PRORP: variants seen among roughly 807,000 people sequenced by gnomAD.
The protein encoded by PRORP is mitochondrial ribonuclease P catalytic subunit.
A neutral mutation model predicts 59.4 loss-of-function variants in PRORP; 51 were observed. The ratio of observed to expected loss-of-function variants is 0.86; its 90% confidence interval spans 0.69 to 1.08. The LOEUF (loss-of-function observed/expected upper bound fraction) is 1.08, where lower values mean the gene tolerates loss of function less well. PRORP is among the 50% of genes least tolerant of loss of function. PRORP has a pLI of 0.00. For missense variants in PRORP, 646 were observed against 690.3 expected (o/e 0.94, Z 0.72); for synonymous variants, 231 against 245.6 (o/e 0.94, Z 0.55).
chr14:35,211,518 G>C (rs1054029249), intron 5 of PRORP, among the ~76,000 whole-genome samples: 1 of 152,134 alleles, frequency 6.6e-6, no homozygotes. Flanking sequence ...ATACTGCAGA[G>C]ATATTGCAAG....
rs183088279 is a variant in PRORP at position 35,239,518 on chromosome 14, A to G, written c.1276-27209A>G. Among the ~76,000 whole-genome samples, 250 of 151,034 alleles carry G rather than the reference A, an allele frequency of 1.7e-3. 1 individual carries two copies. Among genetic ancestry groups the G allele is most frequent in the Admixed American group, 2.6e-3 (39 of 15,250 alleles). On this transcript the variant is annotated intron_variant, in intron 5 of 7. Transcript: ENST00000534898. ...CTTATAATTAAGAGTTTATTAGATC[A>G]GGCAACGAGCTGGTGAAGAACAAGA...
rs151091277 is a variant in PRORP, at chr14:35,139,176, T to C, written c.1167+11565T>C. ...CTCACTGTGTTGCTCAGGCTGGTCT[T>C]GAGCTCCTGGGCTCAAGTGATTCTC... On this transcript the variant is annotated intron_variant, in intron 4 of 7. Transcript: ENST00000534898. 5.7e-3 allele frequency among the ~76,000 whole-genome samples: 831 copies of C among 145,804 alleles called. 44 individuals carry two copies. The highest frequency in any genetic ancestry group is 0.019 in the African/African-American group (786 of 41,164).
At chr14:35,262,645 A>T in intron 5 of PRORP, 2 of 757,298 alleles carry the variant, frequency 2.6e-6, no homozygotes, top group Non-Finnish European at 4.9e-6. Flanking sequence ...TGGTGGGGAA[A>T]CTGAAAGGAA....
chr14:35,248,585 AGAACTGAAGCCAAG>A (rs2050540067), intron 5 of PRORP, among the ~76,000 whole-genome samples: 1 of 152,244 alleles, frequency 6.6e-6, no homozygotes, highest in Non-Finnish European at 1.5e-5. Flanking sequence ...TGTCAAAGGT[AGAACTGAAGCCAAG>A]GCAGCACCAA....
intron 5 of PRORP, among the ~76,000 whole-genome samples, chr14:35,233,964 C>T (rs1237066224): frequency 6.6e-6 from 1 of 152,172 alleles, no homozygotes; most frequent in Non-Finnish European, 1.5e-5. Context: ...TGACTCTGCT[C>T]AGTCCTCTTA....
Position 35,139,339 on chromosome 14 carries a change from T to G in PRORP, c.1167+11728T>G, listed in dbSNP as rs562817095. 1.4e-5 allele frequency among the ~76,000 whole-genome samples: 2 copies of G among 145,884 alleles called. 1 individual carries two copies. The highest frequency in any genetic ancestry group is 4.6e-4 in the East Asian group (2 of 4,328). ...CAGATATTTAAAGTGTACAACTTTA[T>G]GAGTTTTGTCATATGTATATACCTG... On this transcript the variant is annotated intron_variant, in intron 4 of 7. Transcript: ENST00000534898.
intron 5 of PRORP, among the ~76,000 whole-genome samples, chr14:35,249,216 C>T (rs949468622): frequency 7.9e-5 from 12 of 152,172 alleles, no homozygotes; most frequent in African/African-American, 2.7e-4. Flanking sequence ...GGAAAATTCC[C>T]ACCCAGGACA....
At chr14:35,239,803 G>A (rs11627958) in intron 5 of PRORP, among the ~76,000 whole-genome samples, 24,830 of 152,130 alleles carry the variant, frequency 0.16, 2,399 homozygotes, top group Middle Eastern at 0.23. Flanking sequence ...GGCTGGGCAC[G>A]GTGCCCCATG....
intron 4 of PRORP, among the ~76,000 whole-genome samples, chr14:35,163,879 C>G (rs377738565): frequency 1.3e-5 from 2 of 152,200 alleles, no homozygotes; most frequent in African/African-American, 4.8e-5. Flanking sequence ...CCTAGGTTTT[C>G]TTCTAGGATT....
intron 4 of PRORP, among the ~76,000 whole-genome samples, chr14:35,171,992 GT>G (rs1303310355): frequency 6.7e-6 from 1 of 150,018 alleles, no homozygotes; most frequent in Non-Finnish European, 1.5e-5. Context: ...AATTTTTCTA[GT>G]TTACAGTCTC....
intron 5 of PRORP, among the ~76,000 whole-genome samples, chr14:35,239,044 A>T (rs1348341957): frequency 6.6e-6 from 1 of 152,164 alleles, no homozygotes; most frequent in Non-Finnish European, 1.5e-5. Flanking sequence ...ACTTGCCCAG[A>T]GGTAACAGCT....
At position 35,181,783 on chromosome 14, in the gene PRORP, CAA is replaced by C. The variant is rs71121270; in HGVS notation, c.1275+1023_1275+1024del. On this transcript the variant is annotated intron_variant, in intron 5 of 7. Transcript: ENST00000534898. ...CTGGGCAACAAGAGCAAAACTGTCTCAAAAAAAAAAAAAAAAAAGTAATGATA... is the reference window on the plus strand; with the variant it reads ...CTGGGCAACAAGAGCAAAACTGTCTCAAAAAAAAAAAAAAAAGTAATGATA... 5.3e-3 allele frequency among the ~76,000 whole-genome samples: 580 copies of C among 109,400 alleles called. 3 individuals carry two copies. Among genetic ancestry groups the C allele is most frequent in the African/African-American group, 0.021 (556 of 26,376 alleles). The allele number at this position is 109,400 out of a possible 152,430, so 71.8% of individuals were successfully genotyped here. A position where few individuals can be genotyped will look rare whatever the true frequency, so the allele number is the denominator to read the frequency against.
intron 4 of PRORP, among the ~76,000 whole-genome samples, chr14:35,159,310 C>G (rs997613511): frequency 6.6e-6 from 1 of 152,144 alleles, no homozygotes; most frequent in Non-Finnish European, 1.5e-5. Flanking sequence ...TGTTTTCTTC[C>G]TCTTCTTTTT....
chr14:35,162,772 T>C, intron 4 of PRORP, among the ~76,000 whole-genome samples: 1 of 152,104 alleles, frequency 6.6e-6, no homozygotes, highest in African/African-American at 2.4e-5. Context: ...CTTTTGTTGT[T>C]TTTCTCTAAA....
At chr14:35,184,581 T>C (rs760961400) in intron 5 of PRORP, among the ~76,000 whole-genome samples, 1 of 152,110 alleles carries the variant, frequency 6.6e-6, no homozygotes, top group Non-Finnish European at 1.5e-5. Context: ...ACATAAACAT[T>C]TGTCAAGGGG....
At chr14:35,163,086 C>CA (rs1268475504) in intron 4 of PRORP, among the ~76,000 whole-genome samples, 1 of 152,022 alleles carries the variant, frequency 6.6e-6, no homozygotes. Context: ...TGGGTTCTGG[C>CA]ACTTTCTTTA....
At chr14:35,162,504 A>G (rs941968341) in intron 4 of PRORP, among the ~76,000 whole-genome samples, 8 of 152,104 alleles carry the variant, frequency 5.3e-5, no homozygotes, top group Admixed American at 1.3e-4. Context: ...ATTTTCTGCA[A>G]ACTGCTCCTG....
intron 5 of PRORP, among the ~76,000 whole-genome samples, chr14:35,200,986 ACTTTT>A: frequency 6.6e-6 from 1 of 152,288 alleles, no homozygotes; most frequent in Non-Finnish European, 1.5e-5. Flanking sequence ...AGTCACTCAG[ACTTTT>A]CTTCAGTTTT....
At chr14:35,184,165 A>G (rs2048686700) in intron 5 of PRORP, among the ~76,000 whole-genome samples, 1 of 124,440 alleles carries the variant, frequency 8.0e-6, no homozygotes, top group Non-Finnish European at 1.8e-5. Flanking sequence ...ATTAATGAGA[A>G]GATAACTTTT....
Sources: allele counts gnomAD v4.1 joint callset (sites outside exome capture counted in the v4.1 genomes callset), GRCh38; gene constraint gnomAD v4.1.1; transcripts MANE v1.5; gene names NCBI Gene and HGNC (gene_info 2026-07-23, HGNC 2026-07-21).